The following PKP2 variants were observed in gnomAD, a reference collection of about 807,000 sequenced individuals.
PKP2 encodes plakophilin-2.
In PKP2, 73 loss-of-function variants were observed where a neutral mutation model predicts 83.4. The observed-to-expected ratio is 0.88, with a 90% CI of 0.72 to 1.06. PKP2 has a LOEUF of 1.06. PKP2 is among the 50% of genes least tolerant of loss of function. The probability of loss-of-function intolerance (pLI) is 0.00; values close to 1 mark genes in which losing one functional copy is unlikely to be tolerated. For missense variants in PKP2, 966 were observed against 1,065.4 expected (o/e 0.91, Z 1.30); for synonymous variants, 409 against 430.4 (o/e 0.95, Z 0.62).
At chr12:32,847,916 G>A (rs1318507801) in intron 5 of PKP2, among the ~76,000 whole-genome samples, 1 of 151,866 alleles carries the variant, frequency 6.6e-6, no homozygotes, top group Non-Finnish European at 1.5e-5. Context: ...GCAGCACAGC[G>A]AGATCCCCAT....
chr12:32,848,463 C>A (rs1247221269), intron 5 of PKP2, among the ~76,000 whole-genome samples: 2 of 152,040 alleles, frequency 1.3e-5, no homozygotes. Context: ...CATGGTACCT[C>A]ACATAGTTTT....
chr12:32,817,854 A>G (rs1165998631), intron 9 of PKP2, among the ~76,000 whole-genome samples: 2 of 152,220 alleles, frequency 1.3e-5, no homozygotes, highest in African/African-American at 4.8e-5. Flanking sequence ...CCCGCCGCAC[A>G]GCAGAAAGTG....
chr12:32,848,520 T>G (rs1956668656), intron 5 of PKP2, among the ~76,000 whole-genome samples: 1 of 152,176 alleles, frequency 6.6e-6, no homozygotes. Context: ...TTTAGCAACA[T>G]GTATACAGCT....
At chr12:32,891,247 C>G (rs537291579) in intron 1 of PKP2, among the ~76,000 whole-genome samples, 2 of 152,196 alleles carry the variant, frequency 1.3e-5, no homozygotes, top group East Asian at 3.9e-4. Context: ...ATAATTTAAA[C>G]TTGTTGAATG....
intron 1 of PKP2, among the ~76,000 whole-genome samples, chr12:32,886,136 G>A (rs1957028040): frequency 6.6e-6 from 1 of 152,318 alleles, no homozygotes; most frequent in East Asian, 1.9e-4. Context: ...GCTAACAACC[G>A]TGAGCAGTTG....
intron 9 of PKP2, among the ~76,000 whole-genome samples, chr12:32,805,988 A>G (rs1956221731): frequency 6.6e-6 from 1 of 152,092 alleles, no homozygotes; most frequent in African/African-American, 2.4e-5. Context: ...TTTTGTCTGT[A>G]GTTCTGTTTA....
At chr12:32,873,123 A>AGG (rs1401852542) in intron 3 of PKP2, among the ~76,000 whole-genome samples, 2 of 152,122 alleles carry the variant, frequency 1.3e-5, no homozygotes, top group Non-Finnish European at 2.9e-5. Flanking sequence ...GCTTTGAGAC[A>AGG]GGGTCTCACT....
At chr12:32,893,207 C>A (rs191746143) in intron 1 of PKP2, 2 of 152,328 alleles carry the variant, frequency 1.3e-5, no homozygotes, top group East Asian at 1.9e-4. Context: ...AGCAGGTTAT[C>A]CGCTGTCTCA....
intron 10 of PKP2, among the ~76,000 whole-genome samples, chr12:32,800,421 G>C (rs921308469): frequency 2.6e-5 from 4 of 152,222 alleles, no homozygotes; most frequent in African/African-American, 9.6e-5. Context: ...TGACAGGTAA[G>C]ACATACCTTT....
At position 32,793,965 on chromosome 12, in the gene PKP2, T is replaced by A. The variant is rs1028196430; in HGVS notation, c.2358-1234A>T. Among the ~76,000 whole-genome samples, 3 of 152,200 alleles carry A rather than the reference T, an allele frequency of 2.0e-5. No homozygotes were observed. The South Asian group carries it at 6.2e-4, about 32-fold the overall frequency. ...AGATCAGTGCCGCCTTAGATCTCTTTCTCTTCTATCACCTGATTAGCACAT... is the reference window on the plus strand; with the variant it reads ...AGATCAGTGCCGCCTTAGATCTCTTACTCTTCTATCACCTGATTAGCACAT... On this transcript the variant is annotated intron_variant, in intron 11 of 12. Coordinates refer to ENST00000340811, the MANE Select transcript of PKP2 (RefSeq NM_001005242.3).
chr12:32,896,590 C>T lies in PKP2; in HGVS notation c.142G>A (p.Gly48Ser). 6.3e-7 allele frequency: 1 copy of T among 1,586,712 alleles called. No individual in the cohort carries two copies. Among genetic ancestry groups the T allele is most frequent in the Non-Finnish European group, 8.5e-7 (1 of 1,175,644 alleles). The change falls in exon 1 of 13, where the codon GGC (glycine) becomes AGC (serine). Residue 48 changes from glycine (G) to serine (S), a missense_variant. Gly to Ser is a moderately conservative substitution (Grantham distance 56, BLOSUM62 0). Coordinates refer to ENST00000340811, the MANE Select transcript of PKP2 (RefSeq NM_001005242.3). ...ATCCGCAGGCTCTTGACTGTCTGGC[C>T]GCCGCGGCCGCTGCTCCCCGCCAGC... Reference protein sequence around the residue: ...LKLAGSSGRGGQTVKSLRIQE... With the variant: ...LKLAGSSGRGSQTVKSLRIQE...
intron 9 of PKP2, among the ~76,000 whole-genome samples, chr12:32,814,914 G>A (rs1956306712): frequency 6.6e-6 from 1 of 151,250 alleles, no homozygotes; most frequent in Admixed American, 6.6e-5. Context: ...GACAGAGTGA[G>A]ACTCTGTCTT....
At chr12:32,890,120 T>C (rs1237152954) in intron 1 of PKP2, among the ~76,000 whole-genome samples, 3 of 151,876 alleles carry the variant, frequency 2.0e-5, no homozygotes, top group Non-Finnish European at 4.4e-5. Context: ...TTGTTCATTT[T>C]GGCAAGGTTG....
intron 4 of PKP2, chr12:32,863,207 C>G: frequency 4.3e-6 from 1 of 234,876 alleles, no homozygotes; most frequent in Non-Finnish European, 9.3e-6. Flanking sequence ...GGTGTTTATG[C>G]CCGAGATGAA....
intron 4 of PKP2, among the ~76,000 whole-genome samples, chr12:32,852,814 T>C (rs1956712035): frequency 6.6e-6 from 1 of 152,152 alleles, no homozygotes; most frequent in African/African-American, 2.4e-5. Context: ...CCGGGCACGG[T>C]GGCTTATGCC....
intron 4 of PKP2, among the ~76,000 whole-genome samples, chr12:32,864,723 A>G (rs1956831479): frequency 6.6e-6 from 1 of 152,222 alleles, no homozygotes; most frequent in African/African-American, 2.4e-5. Context: ...AATAGACAAA[A>G]CTTTGAAAAA....
chr12:32,795,367 G>A (rs578203718), intron 11 of PKP2, among the ~76,000 whole-genome samples: 2 of 151,170 alleles, frequency 1.3e-5, no homozygotes, highest in South Asian at 4.2e-4. Context: ...TGTCATCACT[G>A]CTGCTGCTGC....
chr12:32,865,344 C>T (rs1020360557), intron 4 of PKP2, among the ~76,000 whole-genome samples: 3 of 140,088 alleles, frequency 2.1e-5, no homozygotes, highest in Admixed American at 1.5e-4. Flanking sequence ...CACTGCACTC[C>T]AGCATGAGTG....
intron 4 of PKP2, among the ~76,000 whole-genome samples, chr12:32,865,923 A>G (rs1956844747): frequency 6.6e-6 from 1 of 152,154 alleles, no homozygotes; most frequent in Non-Finnish European, 1.5e-5. Context: ...TAAAATATAT[A>G]ACATTTACAA....
Sources: gnomAD v4.1 joint callset for allele counts (sites outside exome capture counted in the v4.1 genomes callset) on GRCh38, gnomAD v4.1.1 for gene constraint, MANE v1.5 for transcripts, NCBI Gene and HGNC (gene_info 2026-07-23, HGNC 2026-07-21) for gene names.